NTM: variants seen among roughly 807,000 people sequenced by gnomAD.
NTM encodes the protein neurotrimin.
In NTM, 13 loss-of-function variants were observed where a neutral mutation model predicts 42.1. The ratio of observed to expected loss-of-function variants is 0.31; its 90% CI spans 0.20 to 0.49. The LOEUF is 0.49. NTM is among the 20% of genes least tolerant of loss of function. The pLI is 0.99. For missense variants in NTM, 373 were observed against 452.8 expected, an observed-to-expected ratio of 0.82 and a Z score of 1.60; for synonymous variants, 187 against 179.2, an observed-to-expected ratio of 1.04 and a Z score of -0.35.
chr11:131,464,363 G>C (rs571801343), intron 1 of NTM, among the ~76,000 whole-genome samples: 15 of 152,018 alleles, frequency 9.9e-5, no homozygotes, highest in African/African-American at 1.7e-4. Flanking sequence ...GAAAGCTGGG[G>C]GGGGGGCAGC....
At chr11:132,160,698 C>T (rs2074092482) in intron 3 of NTM, among the ~76,000 whole-genome samples, 1 of 152,176 alleles carries the variant, frequency 6.6e-6, no homozygotes, top group Non-Finnish European at 1.5e-5. Context: ...GGGGAGGCCC[C>T]TGAAGAAGCC....
chr11:131,837,191 G>A (rs186553188), intron 1 of NTM, among the ~76,000 whole-genome samples: 2 of 152,252 alleles, frequency 1.3e-5, no homozygotes, highest in Admixed American at 1.3e-4. Flanking sequence ...AAGTAGGTGG[G>A]AGCCACTTCA....
chr11:132,235,417 T>C (rs1309780385), intron 4 of NTM, among the ~76,000 whole-genome samples: 1 of 152,180 alleles, frequency 6.6e-6, no homozygotes, highest in East Asian at 1.9e-4. Context: ...ACGTTCTTCC[T>C]CTTGTGTTGT....
chr11:131,430,532 A>C (rs1324023551), intron 1 of NTM, among the ~76,000 whole-genome samples: 3 of 152,172 alleles, frequency 2.0e-5, no homozygotes, highest in Non-Finnish European at 2.9e-5. Context: ...GCCACACTGT[A>C]AACATACAGC....
At chr11:131,647,086 C>T (rs927779259) in intron 1 of NTM, among the ~76,000 whole-genome samples, 3 of 152,166 alleles carry the variant, frequency 2.0e-5, no homozygotes, top group African/African-American at 4.8e-5. Context: ...CCTGATAACT[C>T]GGGGTGAACT....
chr11:132,144,327 A>C, intron 2 of NTM, among the ~76,000 whole-genome samples: 1 of 152,222 alleles, frequency 6.6e-6, no homozygotes, highest in East Asian at 1.9e-4. Flanking sequence ...TCTGTACTTC[A>C]GCGAAATCCC....
chr11:131,426,864 C>T (rs931074697), intron 1 of NTM, among the ~76,000 whole-genome samples: 1 of 152,118 alleles, frequency 6.6e-6, no homozygotes, highest in Non-Finnish European at 1.5e-5. Context: ...TCCTCCTCCT[C>T]TATCCACAGA....
At chr11:131,649,191 G>A (rs534020948) in intron 1 of NTM, among the ~76,000 whole-genome samples, 8 of 152,226 alleles carry the variant, frequency 5.3e-5, no homozygotes, top group Non-Finnish European at 1.0e-4. Flanking sequence ...CAGATCCTAA[G>A]CAATAATGAT....
At chr11:132,028,749 A>G (rs1413881155) in intron 2 of NTM, among the ~76,000 whole-genome samples, 1 of 152,108 alleles carries the variant, frequency 6.6e-6, no homozygotes, top group Non-Finnish European at 1.5e-5. Flanking sequence ...AGGCTCTGGT[A>G]ATATAATTTC....
chr11:131,555,481 G>A (rs1303950454), intron 1 of NTM, among the ~76,000 whole-genome samples: 1 of 152,128 alleles, frequency 6.6e-6, no homozygotes, highest in African/African-American at 2.4e-5. Flanking sequence ...GTAGAACAGA[G>A]CCCTCCACTG....
chr11:132,310,115 C>T lies in NTM; in HGVS notation c.665C>T (p.Pro222Leu), dbSNP rs2095237677. ...VRRVKVTVNYPPYISEAKGTG... is the reference protein window; with the variant it reads ...VRRVKVTVNYLPYISEAKGTG... ...ATGAGACATCTTCTTTTTGCAGATC[C>T]ACCATACATTTCAGAAGCCAAGGGT... The change falls in exon 6 of 9, where the codon CCA (proline) becomes CTA (leucine). Residue 222 changes from proline to leucine, a missense_variant. By Grantham distance (98) the Pro-to-Leu change is moderately conservative. Transcript: ENST00000683400. The T allele has an allele frequency of 6.3e-7, 1 of 1,588,992 alleles. No individual in the cohort carries two copies. Among genetic ancestry groups the T allele is most frequent in the Non-Finnish European group, 8.5e-7 (1 of 1,172,310 alleles).
chr11:132,315,788 C>A (rs1346135711), intron 7 of NTM, among the ~76,000 whole-genome samples: 1 of 152,130 alleles, frequency 6.6e-6, no homozygotes, highest in African/African-American at 2.4e-5. Flanking sequence ...TAGTAAATCC[C>A]AGCTTTATCT....
intron 7 of NTM, among the ~76,000 whole-genome samples, chr11:132,319,655 C>A (rs2095514898): frequency 6.6e-6 from 1 of 152,250 alleles, no homozygotes. Flanking sequence ...ACCACAGCTC[C>A]AGGAGGCCTG....
chr11:131,754,819 A>G (rs2083107583), intron 1 of NTM, among the ~76,000 whole-genome samples: 1 of 152,226 alleles, frequency 6.6e-6, no homozygotes, highest in Admixed American at 6.5e-5. Flanking sequence ...AACAATTAAC[A>G]GTAAATCCAA....
At chr11:131,874,356 G>A (rs905328367) in intron 1 of NTM, among the ~76,000 whole-genome samples, 2 of 151,874 alleles carry the variant, frequency 1.3e-5, no homozygotes, top group Admixed American at 6.6e-5. Context: ...AAGAGGAATT[G>A]TGTTCATCAT....
chr11:131,869,686 T>G (rs151329008), intron 1 of NTM, among the ~76,000 whole-genome samples: 1,671 of 152,292 alleles, frequency 0.011, 26 homozygotes, highest in African/African-American at 0.038. Context: ...TTCAGAAAAT[T>G]TAATTTAATT....
intron 1 of NTM, among the ~76,000 whole-genome samples, chr11:131,536,325 A>G (rs775711747): frequency 1.8e-4 from 27 of 152,236 alleles, no homozygotes; most frequent in Non-Finnish European, 3.4e-4. Flanking sequence ...GCACATGAGC[A>G]GACAGCACCA....
intron 1 of NTM, among the ~76,000 whole-genome samples, chr11:131,817,873 G>T (rs2093016053): frequency 6.6e-6 from 1 of 152,252 alleles, no homozygotes; most frequent in Non-Finnish European, 1.5e-5. Context: ...TCTCATGGGA[G>T]CTGAGAGGCC....
At chr11:132,009,616 G>A (rs2071638071) in intron 2 of NTM, among the ~76,000 whole-genome samples, 2 of 152,194 alleles carry the variant, frequency 1.3e-5, no homozygotes, top group South Asian at 2.1e-4. Context: ...CCTAATTCCG[G>A]TGCACTGCTT....
Sources: gnomAD v4.1 joint callset for allele counts (sites outside exome capture counted in the v4.1 genomes callset) on GRCh38, gnomAD v4.1.1 for gene constraint, MANE v1.5 for transcripts, NCBI Gene and HGNC (gene_info 2026-07-23, HGNC 2026-07-21) for gene names.